Variants in MCF2L2 observed in about 807,000 individuals in gnomAD.
The protein encoded by MCF2L2 is MCF.2 cell line derived transforming sequence-like 2, also known as probable guanine nucleotide exchange factor MCF2L2.
MCF2L2 carries 102 observed loss-of-function variants against 150.2 expected under a neutral mutation model. The observed-to-expected ratio is 0.68, with a 90% CI of 0.58 to 0.80. The LOEUF is 0.80. Among genes scored for constraint, MCF2L2 ranks in the 30% least tolerant of loss-of-function variants. The pLI is 0.00. For synonymous variants in MCF2L2, 465 were observed against 491.3 expected, an observed-to-expected ratio of 0.95 and a Z score of 0.71; for missense variants, 1,256 against 1,372.8, an observed-to-expected ratio of 0.91 and a Z score of 1.34.
At chr3:183,328,159 T>C (rs1371733269) in intron 5 of MCF2L2, among the ~76,000 whole-genome samples, 1 of 152,238 alleles carries the variant, frequency 6.6e-6, no homozygotes, top group Non-Finnish European at 1.5e-5. Flanking sequence ...GGTGGTATGC[T>C]GGAGACAGCG....
chr3:183,190,088 C>T (rs1222506163), intron 27 of MCF2L2, among the ~76,000 whole-genome samples: 2 of 152,208 alleles, frequency 1.3e-5, no homozygotes, highest in Non-Finnish European at 2.9e-5. Flanking sequence ...GACCCTGTTA[C>T]TTTCTCCCTT....
At chr3:183,417,132 A>AAAAAAAAG (rs1715638043) in intron 1 of MCF2L2, among the ~76,000 whole-genome samples, 1 of 150,998 alleles carries the variant, frequency 6.6e-6, no homozygotes, top group Admixed American at 6.6e-5. Context: ...AAAAAAAAAA[A>AAAAAAAAG]AAAAAAAAAA....
At chr3:183,354,617 C>A (rs1397571758) in intron 3 of MCF2L2, among the ~76,000 whole-genome samples, 2 of 152,144 alleles carry the variant, frequency 1.3e-5, no homozygotes, top group Non-Finnish European at 2.9e-5. Flanking sequence ...AAGTCTCTCA[C>A]CCAGTGGTTC....
intron 1 of MCF2L2, among the ~76,000 whole-genome samples, chr3:183,393,646 G>A (rs776395267): frequency 8.5e-5 from 13 of 152,200 alleles, no homozygotes; most frequent in Non-Finnish European, 1.6e-4. Flanking sequence ...ATTTTACCCT[G>A]AGCCCACAGT....
chr3:183,205,993 G>C, intron 24 of MCF2L2, 39 bp from the exon 25 acceptor site: 1 of 1,578,682 alleles, frequency 6.3e-7, no homozygotes, highest in Admixed American at 1.7e-5. Context: ...AGACTACCAT[G>C]AGTATTAATT....
chr3:183,404,723 C>A (rs543722704), intron 1 of MCF2L2, among the ~76,000 whole-genome samples: 1 of 152,070 alleles, frequency 6.6e-6, no homozygotes, highest in Non-Finnish European at 1.5e-5. Context: ...ATTAGCCGGG[C>A]ATGGTGGTGG....
chr3:183,342,830 G>C (rs577542559), intron 3 of MCF2L2, among the ~76,000 whole-genome samples: 99 of 152,156 alleles, frequency 6.5e-4, no homozygotes, highest in African/African-American at 2.4e-3. Context: ...ATAAGTAGTT[G>C]GCCTATAGTA....
chr3:183,354,656 A>C (rs1711654867), intron 3 of MCF2L2, among the ~76,000 whole-genome samples: 1 of 152,222 alleles, frequency 6.6e-6, no homozygotes, highest in Non-Finnish European at 1.5e-5. Context: ...ACCTTTCTGG[A>C]CCAAACCAAT....
chr3:183,334,709 C>T (rs1242255730), intron 5 of MCF2L2, among the ~76,000 whole-genome samples: 1 of 149,786 alleles, frequency 6.7e-6, no homozygotes, highest in Non-Finnish European at 1.5e-5. Flanking sequence ...AGGAGAATTG[C>T]TTGAACCTGG....
rs758078101 is a variant in MCF2L2 at position 183,276,862 on chromosome 3, G to A, written c.1862+10C>T. The A allele has an allele frequency of 1.9e-6, 3 of 1,601,460 alleles. No individual in the cohort carries two copies. Among genetic ancestry groups the A allele is most frequent in the African/African-American group, 2.7e-5 (2 of 74,818 alleles). On this transcript the variant is annotated intron_variant, in intron 15 of 29. Coordinates refer to ENST00000328913, the MANE Select transcript of MCF2L2 (RefSeq NM_015078.4). ...CCTCGCCCCCTGCACCCACGGATGT[G>A]CAGTCTTACCTGCGGGGGGAAAGGT...
rs1714979207 is a variant in MCF2L2 at position 183,405,181 on chromosome 3, A to G, written c.77-15402T>C. Among the ~76,000 whole-genome samples, 2 of 152,208 alleles carry G rather than the reference A, an allele frequency of 1.3e-5. 1 individual carries two copies. The highest frequency in any genetic ancestry group is 4.1e-4 in the South Asian group (2 of 4,836). On this transcript the variant is annotated intron_variant, in intron 1 of 29. Transcript: ENST00000328913. ...AATCTTAACTATGTAAAAATGCCAAAGGAACAAAAAGCTAGAGAGATATAG... is the reference window on the plus strand; with the variant it reads ...AATCTTAACTATGTAAAAATGCCAAGGGAACAAAAAGCTAGAGAGATATAG...
intron 14 of MCF2L2, among the ~76,000 whole-genome samples, chr3:183,288,334 T>C (rs1263160829): frequency 6.6e-6 from 1 of 152,186 alleles, no homozygotes; most frequent in African/African-American, 2.4e-5. Context: ...GAAAGTCTCA[T>C]GTCCCCTTTC....
intron 6 of MCF2L2, among the ~76,000 whole-genome samples, chr3:183,318,709 C>T (rs1729694938): frequency 6.6e-6 from 1 of 152,150 alleles, no homozygotes; most frequent in Non-Finnish European, 1.5e-5. Context: ...GCCAATGTTA[C>T]AATAAAGTGA....
chr3:183,388,706 A>G (rs913794378), intron 2 of MCF2L2, among the ~76,000 whole-genome samples: 2 of 152,190 alleles, frequency 1.3e-5, no homozygotes, highest in Non-Finnish European at 2.9e-5. Context: ...GAATTCCCCC[A>G]GAATGTCCTG....
At chr3:183,400,405 C>A (rs764779606) in intron 1 of MCF2L2, 6 of 456,528 alleles carry the variant, frequency 1.3e-5, no homozygotes, top group African/African-American at 1.0e-4. Context: ...CGGTGATAGG[C>A]CCTCATCTCT....
In MCF2L2 at chr3:183,341,630, A is replaced by G. The variant is rs368709692; in HGVS notation, c.276T>C (p.Ser92=). The change falls in exon 4 of 30, where the codon AGT becomes AGC. Residue 92 remains serine, a splice_region_variant and synonymous_variant. Coordinates refer to ENST00000328913, the MANE Select transcript of MCF2L2 (RefSeq NM_015078.4). ...NVMTYLTSIP[S]VEAASIGFIV... ...TGAATCCAATGCTGGCAGCCTCCAC[A>G]CTGCAAAGAAGGGTGGTCAGTGTCA... 1 of 1,609,024 alleles carries G rather than the reference A, an allele frequency of 6.2e-7. No individual in the cohort carries two copies. The highest frequency in any genetic ancestry group is 2.2e-5 in the East Asian group (1 of 44,852).
intron 2 of MCF2L2, 107 bp downstream of exon 2, chr3:183,389,589 G>A: frequency 1.1e-6 from 1 of 927,772 alleles, no homozygotes; most frequent in Non-Finnish European, 1.7e-6. Flanking sequence ...GAAGCCTAAG[G>A]GGTGAGTGAG....
intron 2 of MCF2L2, among the ~76,000 whole-genome samples, chr3:183,386,936 C>T (rs1288912392): frequency 1.3e-5 from 2 of 152,142 alleles, no homozygotes; most frequent in African/African-American, 2.4e-5. Flanking sequence ...ACTATCACAG[C>T]GAATCCATGC....
chr3:183,221,060 G>T (rs759740116), intron 20 of MCF2L2, among the ~76,000 whole-genome samples: 2 of 152,112 alleles, frequency 1.3e-5, no homozygotes, highest in African/African-American at 2.4e-5. Flanking sequence ...ACATGTGTGC[G>T]AGATGCAAAA....
Sources: allele counts gnomAD v4.1 joint callset (sites outside exome capture counted in the v4.1 genomes callset), GRCh38; gene constraint gnomAD v4.1.1; transcripts MANE v1.5; gene names NCBI Gene and HGNC (gene_info 2026-07-23, HGNC 2026-07-21).